Variants in SLC24A3 observed in about 807,000 individuals in gnomAD.
SLC24A3 encodes solute carrier family 24 member 3.
Under a neutral mutation model 75.8 loss-of-function variants are expected in SLC24A3, and 28 were observed. The ratio of observed to expected loss-of-function variants is 0.37; its 90% CI spans 0.27 to 0.51. SLC24A3 has a LOEUF of 0.51. SLC24A3 is among the 20% of genes least tolerant of loss of function. SLC24A3 has a pLI of 0.94. For synonymous variants in SLC24A3, 372 were observed against 334.1 expected (o/e 1.11, Z -1.24); for missense variants, 663 against 847.8 (o/e 0.78, Z 2.71).
chr20:19,647,355 C>T (rs1481252443), intron 6 of SLC24A3, among the ~76,000 whole-genome samples: 2 of 152,176 alleles, frequency 1.3e-5, no homozygotes, highest in Non-Finnish European at 2.9e-5. Flanking sequence ...TGAATCCAAG[C>T]TAATATATTT....
intron 3 of SLC24A3, among the ~76,000 whole-genome samples, chr20:19,547,462 G>T (rs2030619311): frequency 1.3e-5 from 2 of 152,228 alleles, no homozygotes; most frequent in Non-Finnish European, 2.9e-5. Flanking sequence ...TGTGGTGATA[G>T]TTGCATGATT....
chr20:19,326,103 C>G (rs1427742877), intron 2 of SLC24A3, among the ~76,000 whole-genome samples: 1 of 151,926 alleles, frequency 6.6e-6, no homozygotes, highest in East Asian at 1.9e-4. Flanking sequence ...ACCTGTATTT[C>G]TCTCTGAGTG....
chr20:19,714,690 G>A (rs1012215721), intron 15 of SLC24A3, among the ~76,000 whole-genome samples: 3 of 152,200 alleles, frequency 2.0e-5, no homozygotes, highest in Non-Finnish European at 4.4e-5. Context: ...AAAAAGGTGA[G>A]AAGTTAAAAA....
intron 1 of SLC24A3, among the ~76,000 whole-genome samples, chr20:19,220,439 A>G (rs576506119): frequency 2.3e-4 from 35 of 152,350 alleles, no homozygotes; most frequent in African/African-American, 8.2e-4. Flanking sequence ...CCCACAGAGG[A>G]CAGAGAAAGG....
chr20:19,681,933 C>A lies in SLC24A3; in HGVS notation c.843C>A (p.Asn281Lys), dbSNP rs780282593. Residue 281 changes from asparagine to lysine, a missense_variant, in exon 10 of 17, where the codon AAC becomes AAA. Physicochemically the swap from Asn to Lys is moderately conservative, Grantham distance 94. Transcript: ENST00000328041. ...GAGNMVNGLA[N>K]NAEIDDSSNC... ...GGAACATGGTCAACGGATTGGCCAA[C>A]AATGCTGAAATTGATGACAGCAGCA... 1.9e-6 allele frequency: 3 copies of A among 1,614,164 alleles called. No individual in the cohort carries two copies. Among genetic ancestry groups the A allele is most frequent in the Non-Finnish European group, 2.5e-6 (3 of 1,180,034 alleles).
chr20:19,463,142 A>G (rs967538258), intron 2 of SLC24A3, among the ~76,000 whole-genome samples: 2 of 152,190 alleles, frequency 1.3e-5, no homozygotes, highest in Non-Finnish European at 2.9e-5. Flanking sequence ...GCTTTCAATA[A>G]CGGTGTGACA....
intron 1 of SLC24A3, among the ~76,000 whole-genome samples, chr20:19,239,000 C>T (rs918339088): frequency 1.3e-5 from 2 of 151,030 alleles, no homozygotes; most frequent in East Asian, 2.0e-4. Flanking sequence ...CTGCCAAATT[C>T]GTGGGAGGAC....
intron 1 of SLC24A3, among the ~76,000 whole-genome samples, chr20:19,214,293 C>T (rs1177588495): frequency 6.6e-6 from 1 of 152,138 alleles, no homozygotes; most frequent in Non-Finnish European, 1.5e-5. Flanking sequence ...GATCCCGTAG[C>T]CTTGGGTTCT....
chr20:19,429,197 A>G (rs991815560), intron 2 of SLC24A3, among the ~76,000 whole-genome samples: 1 of 152,224 alleles, frequency 6.6e-6, no homozygotes, highest in Admixed American at 6.5e-5. Context: ...CTCACTGTTC[A>G]CTCAACCATC....
chr20:19,317,732 G>T (rs950125838), intron 2 of SLC24A3, among the ~76,000 whole-genome samples: 2 of 152,186 alleles, frequency 1.3e-5, no homozygotes, highest in Non-Finnish European at 2.9e-5. Flanking sequence ...TTCTTGCCAG[G>T]GAAATAGAAT....
intron 6 of SLC24A3, among the ~76,000 whole-genome samples, chr20:19,635,609 T>G (rs1214058670): frequency 6.6e-6 from 1 of 152,208 alleles, no homozygotes; most frequent in African/African-American, 2.4e-5. Context: ...CTGGAAATAC[T>G]GGAATAGCTG....
chr20:19,275,053 C>T (rs892769095), intron 1 of SLC24A3, among the ~76,000 whole-genome samples: 1 of 152,230 alleles, frequency 6.6e-6, no homozygotes, highest in African/African-American at 2.4e-5. Flanking sequence ...AAATGGGAGG[C>T]TGTTGCCATG....
intron 6 of SLC24A3, among the ~76,000 whole-genome samples, chr20:19,652,108 T>C (rs1365377901): frequency 2.0e-5 from 3 of 152,200 alleles, no homozygotes; most frequent in African/African-American, 4.8e-5. Context: ...TTATTCTAAC[T>C]TTTAGAACAT....
At chr20:19,705,504 C>A (rs143998690) in intron 15 of SLC24A3, among the ~76,000 whole-genome samples, 1 of 152,312 alleles carries the variant, frequency 6.6e-6, no homozygotes, top group East Asian at 1.9e-4. Flanking sequence ...TGCTTGAGAG[C>A]ATTTTGATCT....
intron 2 of SLC24A3, 31 bp downstream of exon 2, chr20:19,281,118 C>T: frequency 6.2e-7 from 1 of 1,611,670 alleles, no homozygotes; most frequent in Non-Finnish European, 8.5e-7. Flanking sequence ...TGGGCAGCAG[C>T]TGTCATTTTC....
rs919198105 is a variant in SLC24A3, at chr20:19,514,613, G to A, written c.272-875G>A. On this transcript the variant is annotated intron_variant, in intron 2 of 16. Transcript: ENST00000328041. ...AAGGAGCCGTGGATTCCTATCGGAG[G>A]GACCACAGGAGGCTTCATAAAGGAG... Among the ~76,000 whole-genome samples, 3 of 152,196 alleles carry A rather than the reference G, an allele frequency of 2.0e-5. 1 individual carries two copies. The highest frequency in any genetic ancestry group is 2.0e-4 in the Admixed American group (3 of 15,290).
intron 2 of SLC24A3, among the ~76,000 whole-genome samples, chr20:19,485,262 C>T (rs1380384779): frequency 1.3e-5 from 2 of 152,126 alleles, no homozygotes; most frequent in African/African-American, 4.8e-5. Context: ...GCAGCAGCCT[C>T]GTTGTCTGTC....
chr20:19,227,364 C>T (rs1315872717), intron 1 of SLC24A3, among the ~76,000 whole-genome samples: 1 of 148,110 alleles, frequency 6.8e-6, no homozygotes, highest in East Asian at 2.0e-4. Flanking sequence ...TTTTGTTTTA[C>T]TTTGCCGTAT....
intron 13 of SLC24A3, chr20:19,694,398 G>A (rs2032781111): frequency 2.0e-5 from 3 of 152,174 alleles, no homozygotes; most frequent in Admixed American, 2.0e-4. Context: ...AGATATTTTG[G>A]TAAGAACAAA....
Sources: allele counts gnomAD v4.1 joint callset (sites outside exome capture counted in the v4.1 genomes callset), GRCh38; gene constraint gnomAD v4.1.1; transcripts MANE v1.5; gene names NCBI Gene and HGNC (gene_info 2026-07-23, HGNC 2026-07-21).